OIT3: variants seen among roughly 807,000 people sequenced by gnomAD.
OIT3 encodes oncoprotein-induced transcript 3 protein.
A neutral mutation model predicts 52.2 loss-of-function variants in OIT3; 41 were observed. That is an observed-to-expected ratio of 0.79 (90% confidence interval 0.61 to 1.02). OIT3 has a LOEUF of 1.02. OIT3 is among the 50% of genes least tolerant of loss of function. The pLI, the probability that OIT3 is intolerant of heterozygous loss-of-function variation, is 0.00. For missense variants in OIT3, 634 were observed against 715.5 expected, an observed-to-expected ratio of 0.89 and a Z score of 1.30; for synonymous variants, 244 against 276.9, an observed-to-expected ratio of 0.88 and a Z score of 1.18.
chr10:72,921,814 G>C (rs963194449), intron 6 of OIT3, among the ~76,000 whole-genome samples: 1 of 151,894 alleles, frequency 6.6e-6, no homozygotes, highest in Non-Finnish European at 1.5e-5. Flanking sequence ...TGGGACTACA[G>C]GTGTGTGCCA....
chr10:72,903,233 C>CT (rs902540677), intron 3 of OIT3, among the ~76,000 whole-genome samples: 171 of 151,182 alleles, frequency 1.1e-3, no homozygotes, highest in Middle Eastern at 3.4e-3. Context: ...TTTTTCTTTT[C>CT]TTTTTTTTTG....
chr10:72,894,165 G>T (rs1363681926), intron 1 of OIT3, among the ~76,000 whole-genome samples: 1 of 151,040 alleles, frequency 6.6e-6, no homozygotes, highest in Non-Finnish European at 1.5e-5. Context: ...GCACTTTATA[G>T]TTCCAACTTG....
At position 72,931,100 on chromosome 10, in the gene OIT3, CACTT is replaced by C. The variant is rs544702107; in HGVS notation, c.1467+466_1467+469del. 1.9e-3 allele frequency among the ~76,000 whole-genome samples: 293 copies of C among 152,200 alleles called. 1 individual carries two copies. Among genetic ancestry groups the C allele is most frequent in the African/African-American group, 6.3e-3 (263 of 41,538 alleles). On this transcript the variant is annotated intron_variant, in intron 8 of 8. Coordinates refer to ENST00000334011, the MANE Select transcript of OIT3 (RefSeq NM_152635.3). Reference sequence around the variant, plus strand: ...AATTTATGAAAATTATAAAATACAACACTTACAAGGTTATAGGGAGAAGTATACA... The same window carrying C: ...AATTTATGAAAATTATAAAATACAACACAAGGTTATAGGGAGAAGTATACA...
chr10:72,932,281 T>C, intron 8 of OIT3, 73 bp from the exon 9 acceptor site: 1 of 1,286,964 alleles, frequency 7.8e-7, no homozygotes. Flanking sequence ...GAACATTTAG[T>C]ATTGTGTCTT....
rs369485235 is a variant in OIT3 at position 72,924,178 on chromosome 10, G to C, written c.952-51G>C. The C allele has an allele frequency of 4.7e-6, 7 of 1,480,188 alleles. No individual in the cohort carries two copies. In the African/African-American group the frequency reaches 8.5e-5, roughly 18 times the overall value. 91.7% of individuals were successfully genotyped at this position (1,480,188 alleles called of 1,614,324 possible). On this transcript the variant is annotated intron_variant, in intron 6 of 8. Coordinates refer to ENST00000334011, the MANE Select transcript of OIT3 (RefSeq NM_152635.3). ...GGTGAGAGGAGGGGGAAAAAAAACT[G>C]TAGAAACAAACAGACAATCTCTTTC...
intron 3 of OIT3, among the ~76,000 whole-genome samples, chr10:72,901,269 T>C (rs1429388834): frequency 6.6e-6 from 1 of 152,232 alleles, no homozygotes; most frequent in East Asian, 1.9e-4. Flanking sequence ...TCTAGAATTA[T>C]CTAAGGACTT....
intron 6 of OIT3, among the ~76,000 whole-genome samples, chr10:72,922,713 C>T (rs1477475950): frequency 6.6e-6 from 1 of 152,136 alleles, no homozygotes; most frequent in Admixed American, 6.5e-5. Context: ...CAGCCCCATT[C>T]CAAACCCTTG....
intron 6 of OIT3, among the ~76,000 whole-genome samples, chr10:72,921,458 C>T (rs1181917269): frequency 6.6e-6 from 1 of 151,910 alleles, no homozygotes; most frequent in East Asian, 1.9e-4. Context: ...TTGATCCTGT[C>T]ATTGTGTATT....
chr10:72,926,933 A>G (rs1046546141), intron 7 of OIT3, among the ~76,000 whole-genome samples: 1 of 152,142 alleles, frequency 6.6e-6, no homozygotes, highest in African/African-American at 2.4e-5. Context: ...TGATGTGTAT[A>G]CCCATGAAGC....
intron 6 of OIT3, among the ~76,000 whole-genome samples, chr10:72,914,484 A>G (rs1846057378): frequency 6.6e-6 from 1 of 152,212 alleles, no homozygotes; most frequent in African/African-American, 2.4e-5. Context: ...TTGCAGTGAG[A>G]CAAGTGAGGG....
chr10:72,930,776 A>G, intron 8 of OIT3, 139 bp downstream of exon 8: 1 of 614,846 alleles, frequency 1.6e-6, no homozygotes, highest in Middle Eastern at 2.8e-4. Context: ...GAAACTGGCC[A>G]TCGAGAAGCT....
intron 7 of OIT3, among the ~76,000 whole-genome samples, chr10:72,929,653 C>T (rs1410579122): frequency 6.6e-6 from 1 of 151,868 alleles, no homozygotes; most frequent in Non-Finnish European, 1.5e-5. Context: ...GCAATCCTGC[C>T]ACCTCAACCT....
chr10:72,895,884 G>A (rs77460650), intron 1 of OIT3, among the ~76,000 whole-genome samples: 7,594 of 152,172 alleles, frequency 0.05, 632 homozygotes, highest in African/African-American at 0.17. Context: ...ATGAATGTGC[G>A]CAATACCAGA....
At chr10:72,906,326 C>G (rs2394930) in intron 3 of OIT3, among the ~76,000 whole-genome samples, 6,285 of 152,234 alleles carry the variant, frequency 0.041, 433 homozygotes, top group African/African-American at 0.14. Context: ...ACCCACGACT[C>G]AAAAGGAACT....
At chr10:72,914,961 G>C (rs1292065434) in intron 6 of OIT3, among the ~76,000 whole-genome samples, 1 of 152,002 alleles carries the variant, frequency 6.6e-6, no homozygotes, top group Non-Finnish European at 1.5e-5. Context: ...TGCCTCCCAG[G>C]TTCAAGCGAT....
At position 72,898,885 on chromosome 10, in the gene OIT3, G is replaced by T; in HGVS notation, c.283G>T (p.Glu95Ter). The T allele has an allele frequency of 6.2e-7, 1 of 1,614,180 alleles. No individual in the cohort carries two copies. Among genetic ancestry groups the T allele is most frequent in the South Asian group, 1.1e-5 (1 of 91,080 alleles). Residue 95 changes from glutamate (E) to a stop codon, truncating the protein, a stop_gained, in exon 2 of 9, where the codon GAA (glutamate) becomes TAA (stop). Coordinates refer to ENST00000334011, the MANE Select transcript of OIT3 (RefSeq NM_152635.3). LOFTEE classifies it high-confidence loss of function. ...CTGGCTCAATGGCAGCCACCCCCTA[G>T]AAGGCGACGGCATTGTGCAACGCCA... is the stretch of plus-strand genomic sequence containing the variant. ...PVWLNGSHPL[E>*]GDGIVQRQAC...
At chr10:72,930,705 A>G in intron 8 of OIT3, 68 bp downstream of exon 8, 1 of 955,804 alleles carries the variant, frequency 1.0e-6, no homozygotes, top group South Asian at 1.5e-5. Context: ...TTGGTGTCCC[A>G]GTGTGTTGAC....
chr10:72,898,693 C>T lies in OIT3; in HGVS notation c.91C>T (p.Leu31=). 2 of 1,613,500 alleles carry T rather than the reference C, an allele frequency of 1.2e-6. No individual in the cohort carries two copies. The highest frequency in any genetic ancestry group is 1.7e-6 in the Non-Finnish European group (2 of 1,179,532). Residue 31 remains leucine (L), a synonymous_variant, in exon 2 of 9, where the codon CTG becomes TTG. Coordinates refer to ENST00000334011, the MANE Select transcript of OIT3 (RefSeq NM_152635.3). The part of the protein sequence containing the change: ...ALDPCSAYIS[L]NEPWRNTDHQ... Reference sequence around the variant, plus strand: ...AGATCCTTGTTCTGCTTACATCAGCCTGAATGAGCCCTGGAGGAACACTGA... The same window carrying T: ...AGATCCTTGTTCTGCTTACATCAGCTTGAATGAGCCCTGGAGGAACACTGA...
chr10:72,906,853 T>TC, intron 4 of OIT3, 135 bp downstream of exon 4: 1 of 766,200 alleles, frequency 1.3e-6, no homozygotes, highest in Non-Finnish European at 2.0e-6. Flanking sequence ...CAAAAGGCGT[T>TC]CATCAACATT....
Sources: allele counts gnomAD v4.1 joint callset (sites outside exome capture counted in the v4.1 genomes callset), GRCh38; gene constraint gnomAD v4.1.1; transcripts MANE v1.5; gene names NCBI Gene and HGNC (gene_info 2026-07-23, HGNC 2026-07-21).